Variants in ZNF76 observed in about 807,000 individuals in gnomAD.
The protein encoded by ZNF76 is zinc finger protein 76, also known as zinc finger protein 523.
A neutral mutation model predicts 66.9 loss-of-function variants in ZNF76; 66 were observed. That is an observed-to-expected ratio of 0.99 (90% CI 0.81 to 1.21). The LOEUF (loss-of-function observed/expected upper bound fraction) is 1.21. Ranked by LOEUF, ZNF76 falls within the 50% of genes most tolerant of loss-of-function variation. The pLI, the probability that ZNF76 is intolerant of heterozygous loss-of-function variation, is 0.00. For synonymous variants in ZNF76, 275 were observed against 296.1 expected (o/e 0.93, Z 0.73); for missense variants, 729 against 760.3 (o/e 0.96, Z 0.48).
chr6:35,290,501 G>A (rs1790223962), intron 6 of ZNF76, 119 bp downstream of exon 6: 1 of 1,527,376 alleles, frequency 6.5e-7, no homozygotes, highest in South Asian at 1.2e-5. Context: ...GAAGAAATGA[G>A]GGTACACAGG....
Position 35,287,605 on chromosome 6 carries a change from C to T in ZNF76, c.233-41C>T, listed in dbSNP as rs755176833. On this transcript the variant is annotated intron_variant, in intron 4 of 13. Coordinates refer to ENST00000373953, the MANE Select transcript of ZNF76 (RefSeq NM_003427.5). The surrounding 1 kb of genome is among the most constrained non-coding windows in gnomAD (Gnocchi z 4.0). ...AGCTAGGGTCCCAGCTGTATCTCTTCCCCTTGTGTGGCATCAGGGCTAACC... is the reference window on the plus strand; with the variant it reads ...AGCTAGGGTCCCAGCTGTATCTCTTTCCCTTGTGTGGCATCAGGGCTAACC... 4 of 1,549,580 alleles carry T rather than the reference C, an allele frequency of 2.6e-6. No homozygotes were observed. In the Admixed American group the frequency reaches 7.5e-5, roughly 29 times the overall value.
chr6:35,272,318 A>C (rs1020712216), intron 1 of ZNF76, among the ~76,000 whole-genome samples: 3 of 152,108 alleles, frequency 2.0e-5, no homozygotes, highest in African/African-American at 7.2e-5. Flanking sequence ...TAAATAAATA[A>C]ATTAGCCAGG....
At chr6:35,288,844 C>T (rs1341198532) in intron 5 of ZNF76, among the ~76,000 whole-genome samples, 1 of 151,438 alleles carries the variant, frequency 6.6e-6, no homozygotes, top group Non-Finnish European at 1.5e-5. Context: ...CACCTGTGGT[C>T]CCAGCTACTG....
intron 2 of ZNF76, among the ~76,000 whole-genome samples, chr6:35,285,747 G>C (rs1447321830): frequency 6.6e-6 from 1 of 152,216 alleles, no homozygotes; most frequent in Non-Finnish European, 1.5e-5. Context: ...TTGTTAGTTT[G>C]AGCTATATCT....
intron 2 of ZNF76, among the ~76,000 whole-genome samples, chr6:35,284,091 TTTCTTCCTTTTTTTTTTTGAGACGGAG>T (rs946286878): frequency 6.6e-6 from 1 of 152,158 alleles, no homozygotes; most frequent in African/African-American, 2.4e-5. Context: ...TTTTTTATTT[TTTCTTCCTTTTTTTTTTTGAGACGGAG>T]TCTCACCCTG....
Position 35,295,137 on chromosome 6 carries a change from C to A in ZNF76, c.1609-7C>A. ...GTCTCCTTCCTTCTGCACCCCCTTC[C>A]CCACAGCTGGAGGAACAGCAGACCT... is the stretch of plus-strand genomic sequence containing the variant. On this transcript the variant is annotated splice_polypyrimidine_tract_variant and splice_region_variant and intron_variant, in intron 13 of 13. Transcript: ENST00000373953. 6.2e-7 allele frequency: 1 copy of A among 1,608,374 alleles called. No individual in the cohort carries two copies. The highest frequency in any genetic ancestry group is 8.5e-7 in the Non-Finnish European group (1 of 1,176,708).
intron 7 of ZNF76, 187 bp from the exon 8 acceptor site, chr6:35,291,091 A>G (rs1790306877): frequency 2.9e-6 from 2 of 684,732 alleles, no homozygotes; most frequent in African/African-American, 1.8e-5. Flanking sequence ...TATGGCTCCA[A>G]CTGCTCCTGG....
chr6:35,283,561 G>A (rs1360616626), intron 2 of ZNF76, among the ~76,000 whole-genome samples: 2 of 152,182 alleles, frequency 1.3e-5, no homozygotes, highest in African/African-American at 4.8e-5. Flanking sequence ...TCTCTGTAAT[G>A]GGATATGAGG....
chr6:35,266,797 C>CTTTTTTTTTTT (rs57833954), intron 1 of ZNF76, among the ~76,000 whole-genome samples: 8 of 93,280 alleles, frequency 8.6e-5, no homozygotes, highest in Non-Finnish European at 1.3e-4. Flanking sequence ...TTGTCTATTT[C>CTTTTTTTTTTT]TTTTTTTTTT....
Position 35,295,297 on chromosome 6 carries a change from A to G in ZNF76, c.*49A>G. 1 of 1,487,378 alleles carries G rather than the reference A, an allele frequency of 6.7e-7. No individual in the cohort carries two copies. Among genetic ancestry groups the G allele is most frequent in the African/African-American group, 1.4e-5 (1 of 72,188 alleles). The allele number at this position is 1,487,378 out of a possible 1,614,324, so 92.1% of individuals were successfully genotyped here. On this transcript the variant is annotated 3_prime_UTR_variant, in exon 14 of 14. Transcript: ENST00000373953. The stretch of plus-strand genomic sequence containing the variant: ...CCATGCTGGAGGAAGTGCCATCTGC[A>G]TGGCCACTCTTGCCCCCAAGGGCCC...
intron 1 of ZNF76, among the ~76,000 whole-genome samples, chr6:35,274,511 C>T (rs1219686532): frequency 6.6e-6 from 1 of 152,188 alleles, no homozygotes; most frequent in Non-Finnish European, 1.5e-5. Context: ...TTATTTTTCT[C>T]CTTTGAGGAG....
intron 1 of ZNF76, among the ~76,000 whole-genome samples, chr6:35,272,287 GTAAA>G (rs989187536): frequency 1.3e-5 from 2 of 152,232 alleles, no homozygotes; most frequent in South Asian, 2.1e-4. Context: ...ACAAAAATAA[GTAAA>G]TAGAGATAGA....
intron 1 of ZNF76, among the ~76,000 whole-genome samples, chr6:35,262,727 T>G (rs2150333739): frequency 6.6e-6 from 1 of 152,320 alleles, no homozygotes; most frequent in South Asian, 2.1e-4. Context: ...GTCCTTCATT[T>G]AGTGACCTCT....
rs920065459 is a variant in ZNF76, at chr6:35,291,630, A to C, written c.824A>C (p.His275Pro). 6.2e-7 allele frequency: 1 copy of C among 1,614,012 alleles called. No individual in the cohort carries two copies. Among genetic ancestry groups the C allele is most frequent in the Non-Finnish European group, 8.5e-7 (1 of 1,179,956 alleles). Residue 275 changes from histidine (H) to proline (P), a missense_variant, in exon 9 of 14, where the codon CAT (histidine) becomes CCT (proline). His to Pro is a moderately conservative substitution (Grantham distance 77, BLOSUM62 -2). Coordinates refer to ENST00000373953, the MANE Select transcript of ZNF76 (RefSeq NM_003427.5). ...ACCACATCTAACATCCGCAAGGTAC[A>C]TGTGCGCACCCACACAGGCGAGAGG... The part of the protein sequence containing the change: ...SFTTSNIRKV[H>P]VRTHTGERPY...
intron 1 of ZNF76, among the ~76,000 whole-genome samples, chr6:35,260,777 T>C (rs1378174932): frequency 6.6e-6 from 1 of 152,184 alleles, no homozygotes; most frequent in African/African-American, 2.4e-5. Flanking sequence ...TTTCCTTCCG[T>C]CTGTGAAATT....
chr6:35,291,631 T>C lies in ZNF76; in HGVS notation c.825T>C (p.His275=). Residue 275 remains histidine, a synonymous_variant, in exon 9 of 14, where the codon CAT becomes CAC. Coordinates refer to ENST00000373953, the MANE Select transcript of ZNF76 (RefSeq NM_003427.5). ...CCACATCTAACATCCGCAAGGTACA[T>C]GTGCGCACCCACACAGGCGAGAGGC... ...SFTTSNIRKV[H]VRTHTGERPY... The C allele has an allele frequency of 6.2e-7, 1 of 1,614,050 alleles. No individual in the cohort carries two copies. The highest frequency in any genetic ancestry group is 1.1e-5 in the South Asian group (1 of 91,088).
chr6:35,267,680 C>T (rs1180219188), intron 1 of ZNF76, among the ~76,000 whole-genome samples: 1 of 152,206 alleles, frequency 6.6e-6, no homozygotes, highest in African/African-American at 2.4e-5. Context: ...CCGCAGACAA[C>T]CCCCTGTTGT....
Position 35,295,355 on chromosome 6 carries a change from T to C in ZNF76, c.*107T>C. On this transcript the variant is annotated 3_prime_UTR_variant, in exon 14 of 14. Coordinates refer to ENST00000373953, the MANE Select transcript of ZNF76 (RefSeq NM_003427.5). ...GGCTGACACATAGAAGGTGGCCACA[T>C]AGGTCTCTGGGGTGAGAAGACAGCA... 2.1e-6 allele frequency: 2 copies of C among 963,786 alleles called. No homozygotes were observed. The highest frequency in any genetic ancestry group is 2.0e-5 in the Admixed American group (1 of 50,186). The allele number at this position is 963,786 out of a possible 1,614,324, so 59.7% of individuals were successfully genotyped here. A position where few individuals can be genotyped will look rare whatever the true frequency, so the allele number is the denominator to read the frequency against.
At chr6:35,279,568 C>T (rs143655363) in intron 1 of ZNF76, among the ~76,000 whole-genome samples, 1,935 of 151,848 alleles carry the variant, frequency 0.013, 14 homozygotes, top group African/African-American at 0.022. Context: ...GCTGGGACTA[C>T]AGGTGCCCAC....
Sources: allele counts gnomAD v4.1 joint callset (sites outside exome capture counted in the v4.1 genomes callset), GRCh38; gene constraint gnomAD v4.1.1; non-coding constraint Gnocchi (gnomAD v3.1); transcripts MANE v1.5; gene names NCBI Gene and HGNC (gene_info 2026-07-23, HGNC 2026-07-21).